The following GPHN variants were observed in gnomAD, a reference collection of about 807,000 sequenced individuals.
GPHN encodes gephyrin.
Under a neutral mutation model 95.5 loss-of-function variants are expected in GPHN, and 17 were observed. That is an observed-to-expected ratio of 0.18 (90% CI 0.12 to 0.27). The LOEUF (loss-of-function observed/expected upper bound fraction) is 0.27, where lower values mean the gene tolerates loss of function less well. GPHN is among the 10% of genes least tolerant of loss of function. The probability of loss-of-function intolerance (pLI) is 1.00; values close to 1 mark genes in which losing one functional copy is unlikely to be tolerated. For synonymous variants in GPHN, 320 were observed against 322.5 expected (o/e 0.99, Z 0.08); for missense variants, 660 against 978.1 (o/e 0.67, Z 4.34).
chr14:67,382,889 G>C, the GPHN span, among the ~76,000 whole-genome samples: 9 of 149,228 alleles, frequency 6.0e-5, no homozygotes, highest in African/African-American at 1.8e-4. Flanking sequence ...AGAAAGAAGT[G>C]TGTGTACGTG....
chr14:67,346,007 A>T, the GPHN span: 1 of 636,940 alleles, frequency 1.6e-6, no homozygotes, highest in Admixed American at 2.7e-5. Context: ...TGTAAACATG[A>T]AGTGCCTATC....
At chr14:66,696,919 T>G (rs1263485897) in intron 2 of GPHN, among the ~76,000 whole-genome samples, 1 of 152,264 alleles carries the variant, frequency 6.6e-6, no homozygotes, top group Non-Finnish European at 1.5e-5. Flanking sequence ...GTAGTCCTCA[T>G]TAGAAAAATA....
the GPHN span, among the ~76,000 whole-genome samples, chr14:67,660,617 G>C: frequency 3.9e-5 from 6 of 152,252 alleles, no homozygotes; most frequent in East Asian, 5.8e-4. Context: ...AATTAAGTTT[G>C]TCTCCATGTC....
At chr14:67,349,771 T>C in the GPHN span, among the ~76,000 whole-genome samples, 1 of 152,172 alleles carries the variant, frequency 6.6e-6, no homozygotes, top group Non-Finnish European at 1.5e-5. Context: ...CACATACCAC[T>C]TATACACTAT....
chr14:66,965,213 G>A lies in GPHN; in HGVS notation c.851G>A (p.Arg284His), dbSNP rs763465085. 4 of 1,611,782 alleles carry A rather than the reference G, an allele frequency of 2.5e-6. No homozygotes were observed. The highest frequency in any genetic ancestry group is 3.4e-6 in the Non-Finnish European group (4 of 1,178,014). The change falls in exon 9 of 23, where the codon CGT becomes CAT. Residue 284 changes from arginine to histidine, a missense_variant. Coordinates refer to ENST00000478722, the MANE Select transcript of GPHN (RefSeq NM_020806.5). The stretch of plus-strand genomic sequence containing the variant: ...CAGATTCCAGACTCCATCATTTCTC[G>A]TGGTGTTCAGGTGCTCCCACGAGAC... ...DERIPDSIISRGVQVLPRDTA... is the reference protein window; with the variant it reads ...DERIPDSIISHGVQVLPRDTA...
intron 1 of GPHN, among the ~76,000 whole-genome samples, chr14:66,646,085 G>C (rs1160406695): frequency 6.6e-6 from 1 of 151,934 alleles, no homozygotes; most frequent in Non-Finnish European, 1.5e-5. Flanking sequence ...AGTTACAAAA[G>C]ATTAAAAAGA....
chr14:67,431,347 G>A, the GPHN span, among the ~76,000 whole-genome samples: 35 of 140,314 alleles, frequency 2.5e-4, no homozygotes, highest in Admixed American at 6.9e-4. Context: ...AGCCGAGATC[G>A]CGCCACTGCA....
intron 1 of GPHN, among the ~76,000 whole-genome samples, chr14:66,582,119 G>A (rs1223829793): frequency 6.6e-6 from 1 of 152,030 alleles, no homozygotes; most frequent in Non-Finnish European, 1.5e-5. Flanking sequence ...CCCCAGGATA[G>A]ATCGTAAGTC....
At chr14:66,745,339 C>T (rs2058098455) in intron 2 of GPHN, among the ~76,000 whole-genome samples, 1 of 152,014 alleles carries the variant, frequency 6.6e-6, no homozygotes, top group Non-Finnish European at 1.5e-5. Context: ...GACATAGTGA[C>T]ACTTTACCCC....
At chr14:67,575,445 C>G in the GPHN span, 1 of 1,607,988 alleles carries the variant, frequency 6.2e-7, no homozygotes, top group Non-Finnish European at 8.5e-7. Context: ...GGAAAATCTT[C>G]TACTACTATC....
the GPHN span, chr14:67,360,253 G>A: frequency 2.5e-6 from 1 of 399,520 alleles, no homozygotes; most frequent in Non-Finnish European, 4.4e-6. Context: ...TGTTCTCGGA[G>A]GACCCAGACT....
In GPHN at chr14:66,754,985, CAAAT is replaced by C. The variant is rs576022822; in HGVS notation, c.144-21475_144-21472del. Among the ~76,000 whole-genome samples the C allele has an allele frequency of 7.6e-4, 115 of 152,116 alleles. 1 individual carries two copies. The highest frequency in any genetic ancestry group is 2.6e-3 in the African/African-American group (110 of 41,552). On this transcript the variant is annotated intron_variant, in intron 2 of 22. Transcript: ENST00000478722. ...ATGCTGTATGATGAAATCCTGCACT[CAAAT>C]AAAACATTAATCAGCAGAACTTAAA...
intron 8 of GPHN, among the ~76,000 whole-genome samples, chr14:66,945,637 T>C (rs938611782): frequency 1.3e-5 from 2 of 152,010 alleles, no homozygotes; most frequent in Admixed American, 1.3e-4. Flanking sequence ...AAATTAAAAA[T>C]AAATAAATAA....
At chr14:67,656,691 C>G in the GPHN span, 116 of 1,260,546 alleles carry the variant, frequency 9.2e-5, 2 homozygotes, top group East Asian at 1.4e-3. Flanking sequence ...ATATAGTGAG[C>G]AATAATTTTC....
chr14:66,947,333 T>A (rs2067820233), intron 8 of GPHN, among the ~76,000 whole-genome samples: 1 of 152,244 alleles, frequency 6.6e-6, no homozygotes, highest in South Asian at 2.1e-4. Flanking sequence ...AAATTATGCC[T>A]GCAGTTATTC....
chr14:67,166,539 C>G (rs2140021000), intron 20 of GPHN, among the ~76,000 whole-genome samples: 1 of 152,270 alleles, frequency 6.6e-6, no homozygotes, highest in South Asian at 2.1e-4. Flanking sequence ...CTGAGTGAAC[C>G]AACAGAGGGC....
chr14:67,702,353 G>A, the GPHN span, among the ~76,000 whole-genome samples: 1 of 152,078 alleles, frequency 6.6e-6, no homozygotes. Context: ...GAAATTTAAA[G>A]TTAAATACAT....
At chr14:67,057,282 C>T (rs2075625028) in intron 10 of GPHN, among the ~76,000 whole-genome samples, 1 of 152,172 alleles carries the variant, frequency 6.6e-6, no homozygotes, top group African/African-American at 2.4e-5. Flanking sequence ...GAGATCATGT[C>T]CTTTGCAGGG....
chr14:66,641,804 G>A (rs186607281), intron 1 of GPHN, among the ~76,000 whole-genome samples: 5 of 152,226 alleles, frequency 3.3e-5, no homozygotes, highest in Admixed American at 3.3e-4. Flanking sequence ...TGGCCAAATA[G>A]GGGATATAGA....
Sources: allele counts gnomAD v4.1 joint callset (sites outside exome capture counted in the v4.1 genomes callset), GRCh38; gene constraint gnomAD v4.1.1; transcripts MANE v1.5; gene names NCBI Gene and HGNC (gene_info 2026-07-23, HGNC 2026-07-21).